LARS1: variants seen among roughly 807,000 people sequenced by gnomAD.
LARS1 encodes leucyl-tRNA synthetase 1.
A neutral mutation model predicts 162.8 loss-of-function variants in LARS1; 100 were observed. That is an observed-to-expected ratio of 0.61 (90% confidence interval 0.52 to 0.73). The LOEUF (loss-of-function observed/expected upper bound fraction) is 0.73. Among genes scored for constraint, LARS1 ranks in the 30% least tolerant of loss-of-function variants. LARS1 has a pLI of 0.00. For missense variants in LARS1, 1,258 were observed against 1,408.9 expected (o/e 0.89, Z 1.71); for synonymous variants, 457 against 462.8 (o/e 0.99, Z 0.16).
At chr5:146,140,842 TACACACATATATATACACAC>T (rs1196844059) in intron 20 of LARS1, among the ~76,000 whole-genome samples, 8 of 151,826 alleles carry the variant, frequency 5.3e-5, no homozygotes, top group South Asian at 2.1e-4. Flanking sequence ...CATATAAATA[TACACACATATATATACACAC>T]ACACACATAT....
At chr5:146,168,327 A>G (rs1754113048) in intron 4 of LARS1, 62 bp from the exon 5 acceptor site, 2 of 1,532,476 alleles carry the variant, frequency 1.3e-6, no homozygotes, top group African/African-American at 2.8e-5. Context: ...TCAGTTTTTT[A>G]CTGTTTTTAT....
At position 146,118,260 on chromosome 5, in the gene LARS1, C is replaced by T. The variant is rs142794461; in HGVS notation, c.3325+2111G>A. Among the ~76,000 whole-genome samples, 654 of 152,204 alleles carry T rather than the reference C, an allele frequency of 4.3e-3. 5 individuals carry two copies. The highest frequency in any genetic ancestry group is 0.015 in the African/African-American group (623 of 41,528). On this transcript the variant is annotated intron_variant, in intron 31 of 31. Transcript: ENST00000394434. Reference sequence around the variant, plus strand: ...ATTATATTAAGTGAAATAAGAAAGGCACAGAATAACAAATATCGCATGATC... The same window carrying T: ...ATTATATTAAGTGAAATAAGAAAGGTACAGAATAACAAATATCGCATGATC...
intron 15 of LARS1, among the ~76,000 whole-genome samples, chr5:146,148,607 G>C (rs990416188): frequency 6.6e-6 from 1 of 152,158 alleles, no homozygotes; most frequent in African/African-American, 2.4e-5. Flanking sequence ...GGAGAAGACA[G>C]GGTATGGAGT....
At chr5:146,143,230 T>C (rs1581039237) in intron 19 of LARS1, 146 bp from the exon 20 acceptor site, 1 of 844,262 alleles carries the variant, frequency 1.2e-6, no homozygotes, top group East Asian at 2.7e-5. Context: ...TCCATAAGAA[T>C]GAAGAATAGA....
rs1165875474 is a variant in LARS1 at position 146,113,911 on chromosome 5, GA to G, written c.*194del. The G allele has an allele frequency of 1.5e-5, 8 of 549,994 alleles. No homozygotes were observed. In the Admixed American group the frequency reaches 1.9e-4, roughly 13 times the overall value. 34.1% of individuals were successfully genotyped at this position (549,994 alleles called of 1,614,324 possible). ...AAACCATTTCTCTTGGACACCCAAA[GA>G]AAGGGAAAAAAAATTTATTAGGTCC... On this transcript the variant is annotated 3_prime_UTR_variant, in exon 32 of 32. Transcript: ENST00000394434.
intron 10 of LARS1, among the ~76,000 whole-genome samples, chr5:146,154,807 T>C (rs1753448972): frequency 6.6e-6 from 1 of 151,868 alleles, no homozygotes; most frequent in Non-Finnish European, 1.5e-5. Flanking sequence ...ATAAATAAAA[T>C]ACATATGAAG....
Position 146,168,195 on chromosome 5 carries a change from T to A in LARS1, c.365A>T (p.Glu122Val). 1 of 1,613,146 alleles carries A rather than the reference T, an allele frequency of 6.2e-7. No individual in the cohort carries two copies. Among genetic ancestry groups the A allele is most frequent in the Non-Finnish European group, 8.5e-7 (1 of 1,179,206 alleles). Residue 122 changes from glutamate (E) to valine (V), a missense_variant, in exon 5 of 32, where the codon GAG becomes GTG. Transcript: ENST00000394434. Reference protein sequence around the residue: ...GCPPDFPDEEEEEEETSVKTE... With the variant: ...GCPPDFPDEEVEEEETSVKTE... ...TTTAACACTGGTTTCTTCCTCTTCC[T>A]CTTCTTCATCTGGAAAATCAGGGGG...
At chr5:146,150,938 G>GACACAC (rs1204824825) in intron 14 of LARS1, among the ~76,000 whole-genome samples, 7 of 66,084 alleles carry the variant, frequency 1.1e-4, no homozygotes, top group African/African-American at 5.0e-4. Flanking sequence ...GACTCCGTCA[G>GACACAC]ATAGACACAC....
At chr5:146,178,540 G>A (rs982371716) in intron 1 of LARS1, among the ~76,000 whole-genome samples, 2 of 151,852 alleles carry the variant, frequency 1.3e-5, no homozygotes, top group Non-Finnish European at 2.9e-5. Context: ...CTTGAACCTG[G>A]GAGGTGGAAG....
intron 1 of LARS1, among the ~76,000 whole-genome samples, chr5:146,181,563 G>A (rs2126621405): frequency 6.6e-6 from 1 of 151,906 alleles, no homozygotes; most frequent in Non-Finnish European, 1.5e-5. Flanking sequence ...TGAGGTGTGA[G>A]GATCGCTTGA....
chr5:146,135,579 A>G (rs925221445), intron 22 of LARS1, 22 bp downstream of exon 22: 1 of 1,556,390 alleles, frequency 6.4e-7, no homozygotes, highest in Non-Finnish European at 8.8e-7. Context: ...ACAGAACAGC[A>G]ATAAGAAAAA....
chr5:146,140,365 G>A (rs1752719478), intron 20 of LARS1, 104 bp from the exon 21 acceptor site: 2 of 833,916 alleles, frequency 2.4e-6, no homozygotes, highest in Admixed American at 4.6e-5. Context: ...GGCTTGCTAA[G>A]ATAAAAGTGC....
intron 21 of LARS1, among the ~76,000 whole-genome samples, chr5:146,136,365 G>A (rs1369295436): frequency 1.3e-5 from 2 of 151,964 alleles, no homozygotes; most frequent in African/African-American, 2.4e-5. Context: ...GTTCTTCTTT[G>A]ACTTACAAAG....
At chr5:146,141,935 T>C (rs1162582755) in intron 20 of LARS1, among the ~76,000 whole-genome samples, 3 of 151,684 alleles carry the variant, frequency 2.0e-5, no homozygotes, top group Admixed American at 1.3e-4. Flanking sequence ...CCAAGGCGGG[T>C]GGATCACCTG....
chr5:146,182,380 GCT>G (rs1754910841), intron 1 of LARS1, 106 bp downstream of exon 1: 7 of 1,435,966 alleles, frequency 4.9e-6, no homozygotes, highest in Admixed American at 1.7e-5. Context: ...CTTAAGCGTG[GCT>G]CTCTTTTAGA....
chr5:146,166,966 C>T (rs991044303), intron 5 of LARS1, among the ~76,000 whole-genome samples: 11 of 152,178 alleles, frequency 7.2e-5, no homozygotes, highest in African/African-American at 1.9e-4. Flanking sequence ...TACTCCCTAA[C>T]GCTTGAGAAC....
chr5:146,153,978 T>A lies in LARS1; in HGVS notation c.1068A>T (p.Glu356Asp). The part of the protein sequence containing the change: ...VPVVKELMGE[E>D]ILGASLSAPL... ...GTGCAGAAAGTGATGCACCAAGAAT[T>A]TCCTGCATAAGAAAAAAATCAATAT... The change falls in exon 11 of 32, where the codon GAA becomes GAT. Residue 356 changes from glutamate (E) to aspartate (D), a missense_variant and splice_region_variant. Glu to Asp is a conservative substitution (Grantham distance 45, BLOSUM62 2). Transcript: ENST00000394434. 1.3e-6 allele frequency: 2 copies of A among 1,595,764 alleles called. No individual in the cohort carries two copies. The highest frequency in any genetic ancestry group is 1.7e-6 in the Non-Finnish European group (2 of 1,172,720).
Position 146,130,487 on chromosome 5 carries a change from T to C in LARS1, c.2488-329A>G, listed in dbSNP as rs537390201. The C allele has an allele frequency of 3.7e-4, 94 of 251,786 alleles. 1 individual carries two copies. The highest frequency in any genetic ancestry group is 2.0e-3 in the African/African-American group (86 of 43,402). The allele number at this position is 251,786 out of a possible 1,614,324, so 15.6% of individuals were successfully genotyped here. On this transcript the variant is annotated intron_variant, in intron 24 of 31. Transcript: ENST00000394434. ...GGATATTAAATATAAAAAAAGACTATAAATACAACACATTGCTATGCCCAG... is the reference window on the plus strand; with the variant it reads ...GGATATTAAATATAAAAAAAGACTACAAATACAACACATTGCTATGCCCAG...
At chr5:146,130,373 G>A (rs565853116) in intron 24 of LARS1, 1 of 542,610 alleles carries the variant, frequency 1.8e-6, no homozygotes, top group South Asian at 2.4e-5. Context: ...CTCAAAAAAA[G>A]AATTTTTTTA....
Sources: allele counts gnomAD v4.1 joint callset (sites outside exome capture counted in the v4.1 genomes callset), GRCh38; gene constraint gnomAD v4.1.1; transcripts MANE v1.5; gene names NCBI Gene and HGNC (gene_info 2026-07-23, HGNC 2026-07-21).